The following RGS6 variants were observed in gnomAD, a reference collection of about 807,000 sequenced individuals.
The protein encoded by RGS6 is regulator of G-protein signaling 6.
Under a neutral mutation model 78.5 loss-of-function variants are expected in RGS6, and 30 were observed. The observed-to-expected ratio is 0.38, with a 90% CI of 0.29 to 0.52. RGS6 has a LOEUF of 0.52. Ranked by LOEUF, RGS6 falls within the 20% of genes least tolerant of loss-of-function variation. RGS6 has a pLI of 0.85. For synonymous variants in RGS6, 206 were observed against 206.0 expected, an observed-to-expected ratio of 1.00 and a Z score of 0.00; for missense variants, 495 against 609.7, an observed-to-expected ratio of 0.81 and a Z score of 1.98.
At chr14:72,228,560 A>C (rs1303542904) in intron 2 of RGS6, among the ~76,000 whole-genome samples, 1 of 152,216 alleles carries the variant, frequency 6.6e-6, no homozygotes, top group Admixed American at 6.5e-5. Context: ...AGGTGAGGTC[A>C]GAGGCAGGGA....
At chr14:72,329,974 T>C (rs1027744132) in intron 2 of RGS6, among the ~76,000 whole-genome samples, 10 of 152,170 alleles carry the variant, frequency 6.6e-5, no homozygotes, top group Non-Finnish European at 1.5e-5. Flanking sequence ...TCAAGTAGAG[T>C]GAAGCCTCCT....
At chr14:72,312,225 GTTTTT>G (rs386364170) in intron 2 of RGS6, among the ~76,000 whole-genome samples, 1 of 128,926 alleles carries the variant, frequency 7.8e-6, no homozygotes. Context: ...CTGAGAAATT[GTTTTT>G]TTTTTTTTTT....
At chr14:72,484,939 T>A (rs1360982097) in intron 12 of RGS6, among the ~76,000 whole-genome samples, 3 of 151,272 alleles carry the variant, frequency 2.0e-5, no homozygotes. Context: ...AGATTTTTTT[T>A]TTTTTTTTTT....
chr14:72,019,803 A>G (rs1456032218), intron 2 of RGS6, among the ~76,000 whole-genome samples: 2 of 152,118 alleles, frequency 1.3e-5, no homozygotes, highest in East Asian at 3.8e-4. Flanking sequence ...ATGACTGGGG[A>G]TGGACTCCAG....
chr14:72,312,189 T>A (rs1023378852), intron 2 of RGS6, among the ~76,000 whole-genome samples: 1 of 151,534 alleles, frequency 6.6e-6, no homozygotes, highest in African/African-American at 2.4e-5. Flanking sequence ...AGCTTCTACA[T>A]GAATTTATAG....
At chr14:71,970,226 G>C (rs1377124311) in intron 2 of RGS6, among the ~76,000 whole-genome samples, 1 of 152,130 alleles carries the variant, frequency 6.6e-6, no homozygotes, top group Admixed American at 6.6e-5. Context: ...AGATGAAATA[G>C]GGGTTTTAGA....
At chr14:72,423,147 C>T (rs1035400354) in intron 3 of RGS6, among the ~76,000 whole-genome samples, 1 of 152,150 alleles carries the variant, frequency 6.6e-6, no homozygotes, top group African/African-American at 2.4e-5. Flanking sequence ...CCCCTAGCAG[C>T]GTGTTGAATA....
At position 72,174,756 on chromosome 14, in the gene RGS6, C is replaced by CGA. The variant is rs1409956295; in HGVS notation, c.85-177339_85-177338insGA. Among the ~76,000 whole-genome samples, 704 of 152,280 alleles carry CGA rather than the reference C, an allele frequency of 4.6e-3. 2 individuals are homozygous for CGA. The highest frequency in any genetic ancestry group is 0.016 in the African/African-American group (662 of 41,564). On this transcript the variant is annotated intron_variant, in intron 2 of 17. Transcript: ENST00000553525. ...AGGGATATGGCTTCGGGTGACAACC[C>CGA]ACCTATCAGAGCTATTCAACCATTG...
intron 3 of RGS6, among the ~76,000 whole-genome samples, chr14:72,381,395 A>G (rs2086058604): frequency 6.6e-6 from 1 of 152,100 alleles, no homozygotes; most frequent in African/African-American, 2.4e-5. Flanking sequence ...TCAAAACATC[A>G]CTATGTACCC....
intron 2 of RGS6, among the ~76,000 whole-genome samples, chr14:72,002,732 G>A (rs1229772217): frequency 6.6e-6 from 1 of 152,166 alleles, no homozygotes; most frequent in Non-Finnish European, 1.5e-5. Flanking sequence ...TTTCTGGGGA[G>A]ACAGATTTTT....
chr14:72,616,760 T>C, the RGS6 span, among the ~76,000 whole-genome samples: 1 of 152,180 alleles, frequency 6.6e-6, no homozygotes, highest in Non-Finnish European at 1.5e-5. Flanking sequence ...TATGATTCTA[T>C]CTCATTCTCT....
At chr14:72,472,829 G>A (rs762277108) in intron 8 of RGS6, 43 bp from the exon 9 acceptor site, 2 of 1,439,276 alleles carry the variant, frequency 1.4e-6, no homozygotes, top group East Asian at 4.6e-5. Context: ...AGGGAAAACA[G>A]AATACAGAGC....
At chr14:72,290,156 C>G (rs1039903608) in intron 2 of RGS6, among the ~76,000 whole-genome samples, 6 of 152,160 alleles carry the variant, frequency 3.9e-5, no homozygotes, top group African/African-American at 1.4e-4. Flanking sequence ...GAGATTTTAT[C>G]GCAAAGAATT....
intron 2 of RGS6, among the ~76,000 whole-genome samples, chr14:72,030,044 T>C (rs1663664738): frequency 6.6e-6 from 1 of 152,216 alleles, no homozygotes; most frequent in Admixed American, 6.5e-5. Context: ...GGTAAAGAGT[T>C]CTAAGATCTT....
chr14:72,320,135 A>G (rs1297401752), intron 2 of RGS6, among the ~76,000 whole-genome samples: 2 of 152,220 alleles, frequency 1.3e-5, no homozygotes, highest in African/African-American at 2.4e-5. Context: ...CCAAGATTGC[A>G]GAGAGTAATG....
chr14:71,984,076 C>T (rs1002552121), intron 2 of RGS6, among the ~76,000 whole-genome samples: 4 of 152,062 alleles, frequency 2.6e-5, no homozygotes, highest in African/African-American at 7.2e-5. Flanking sequence ...TTTGGTTGGC[C>T]ACCTACCATT....
chr14:72,226,132 T>G (rs1056895039), intron 2 of RGS6, among the ~76,000 whole-genome samples: 1 of 152,226 alleles, frequency 6.6e-6, no homozygotes. Context: ...AATCCAAATC[T>G]ATAGCCCATG....
At chr14:72,317,557 G>A (rs1486823347) in intron 2 of RGS6, among the ~76,000 whole-genome samples, 1 of 152,072 alleles carries the variant, frequency 6.6e-6, no homozygotes, top group African/African-American at 2.4e-5. Context: ...ACATTCTTAG[G>A]GGCTCGAAGG....
intron 2 of RGS6, among the ~76,000 whole-genome samples, chr14:72,135,090 C>T (rs1455557838): frequency 5.9e-5 from 9 of 152,296 alleles, no homozygotes; most frequent in African/African-American, 9.6e-5. Flanking sequence ...ATATGCTTCA[C>T]ATATGTTTTT....
Sources: gnomAD v4.1 joint callset for allele counts (sites outside exome capture counted in the v4.1 genomes callset) on GRCh38, gnomAD v4.1.1 for gene constraint, MANE v1.5 for transcripts, NCBI Gene and HGNC (gene_info 2026-07-23, HGNC 2026-07-21) for gene names.